Variants in HNRNPD observed in about 807,000 individuals in gnomAD.
HNRNPD encodes the protein heterogeneous nuclear ribonucleoprotein D, also known as heterogeneous nuclear ribonucleoprotein D0.
In HNRNPD, 3 loss-of-function variants were observed where a neutral mutation model predicts 47.9. The observed-to-expected ratio is 0.06, with a 90% CI of 0.03 to 0.16. The LOEUF is 0.16. Among genes scored for constraint, HNRNPD ranks in the 10% least tolerant of loss-of-function variants. The pLI is 1.00. For synonymous variants in HNRNPD, 171 were observed against 165.1 expected, an observed-to-expected ratio of 1.04 and a Z score of -0.28; for missense variants, 287 against 454.2, an observed-to-expected ratio of 0.63 and a Z score of 3.35.
intron 4 of HNRNPD, chr4:82,358,392 TTGTC>T (rs1723819568): frequency 6.2e-6 from 2 of 320,526 alleles, no homozygotes; most frequent in Non-Finnish European, 1.1e-5. Context: ...TTCCTCTTAA[TTGTC>T]TGTATTTAAG....
chr4:82,370,981 T>TATACACATATACACACAC (rs142474751), intron 2 of HNRNPD, among the ~76,000 whole-genome samples: 31 of 149,354 alleles, frequency 2.1e-4, no homozygotes, highest in Non-Finnish European at 3.7e-4. Context: ...GGTATATATA[T>TATACACATATACACACAC]ACACACACAC....
chr4:82,356,665 T>G lies in HNRNPD; in HGVS notation c.872A>C (p.Asn291Thr). The G allele has an allele frequency of 6.2e-7, 1 of 1,613,418 alleles. No individual in the cohort carries two copies. Among genetic ancestry groups the G allele is most frequent in the Non-Finnish European group, 8.5e-7 (1 of 1,179,998 alleles). Residue 291 changes from asparagine (N) to threonine (T), a missense_variant, in exon 7 of 9, where the codon AAC becomes ACC. Asn to Thr is a moderately conservative substitution (Grantham distance 65). Around this residue, in one of 5 missense-constraint regions of HNRNPD, gnomAD observed 65 missense variants for 107.1 expected, o/e 0.61. Transcript: ENST00000313899. ...ATTCCAATAGTTACTATATCCCTGG[T>G]TCCAGTTTTGACTGGGGCCTGCAGC... ...GRGGGPSQNWNQGYSNYWNQG... is the reference protein window; with the variant it reads ...GRGGGPSQNWTQGYSNYWNQG...
chr4:82,362,704 G>C (rs186983592), intron 2 of HNRNPD, among the ~76,000 whole-genome samples: 2 of 152,094 alleles, frequency 1.3e-5, no homozygotes, highest in South Asian at 4.1e-4. Context: ...CCAGGTTCAA[G>C]TGATTCTCAT....
chr4:82,365,886 A>G (rs558739379), intron 2 of HNRNPD, among the ~76,000 whole-genome samples: 2 of 149,652 alleles, frequency 1.3e-5, no homozygotes, highest in African/African-American at 5.0e-5. Flanking sequence ...GCTATATTAC[A>G]AGCGTGAGCC....
Position 82,373,598 on chromosome 4 carries a change from C to G in HNRNPD, c.81G>C (p.Glu27Asp). Residue 27 changes from glutamate (E) to aspartate (D), a missense_variant, in exon 1 of 9, where the codon GAG (glutamate) becomes GAC (aspartate). By Grantham distance (45) the Glu-to-Asp change is conservative (BLOSUM62 2). This residue lies in a region of HNRNPD where 161 missense variants were observed against 137.1 expected (regional missense o/e 1.17). Coordinates refer to ENST00000313899, the MANE Select transcript of HNRNPD (RefSeq NM_031370.3). ...AAVGGSAGEQ[E>D]GAMVAATQGA... ...CCTGTGTCGCCGCCACCATGGCTCC[C>G]TCCTGCTCGCCCGCCGAGCCGCCTA... is the stretch of plus-strand genomic sequence containing the variant. 1 of 1,532,138 alleles carries G rather than the reference C, an allele frequency of 6.5e-7. No homozygotes were observed. Among genetic ancestry groups the G allele is most frequent in the East Asian group, 2.5e-5 (1 of 39,874 alleles). The allele number at this position is 1,532,138 out of a possible 1,614,324, so 94.9% of individuals were successfully genotyped here.
At chr4:82,373,047 T>C (rs1720147941) in intron 1 of HNRNPD, 1 of 448,504 alleles carries the variant, frequency 2.2e-6, no homozygotes, top group African/African-American at 2.0e-5. Flanking sequence ...AAGCTGTTTG[T>C]GTCTGTGTTT....
At position 82,373,438 on chromosome 4, in the gene HNRNPD, T is replaced by C. The variant is rs950148988; in HGVS notation, c.233+8A>G. 8.9e-6 allele frequency: 14 copies of C among 1,572,946 alleles called. No individual in the cohort carries two copies. The highest frequency in any genetic ancestry group is 1.2e-5 in the Non-Finnish European group (14 of 1,157,944). ...GGGCCTGACTATCCTGGGATGCCCC[T>C]TACTCACCCTTCATCCTCCTCGTTC... On this transcript the variant is annotated splice_region_variant and intron_variant, in intron 1 of 8. Transcript: ENST00000313899.
rs1194328939 is a variant in HNRNPD, at chr4:82,359,621, G to A, written c.309C>T (p.Gly103=). ...CTTTCTTTGTAGTGTCCCAGCTAAG[G>A]CCTCCTATAAACATTTTCCTGTAAA... ...QREEWKMFIG[G]LSWDTTKKDL... is the part of the protein sequence containing the mutation. The change falls in exon 3 of 9, where the codon GGC becomes GGT. Residue 103 remains glycine (G), a synonymous_variant. Transcript: ENST00000313899. 2 of 1,559,522 alleles carry A rather than the reference G, an allele frequency of 1.3e-6. No homozygotes were observed. Among genetic ancestry groups the A allele is most frequent in the Non-Finnish European group, 1.8e-6 (2 of 1,142,102 alleles).
chr4:82,370,301 G>A (rs867453374), intron 2 of HNRNPD, among the ~76,000 whole-genome samples: 20 of 152,280 alleles, frequency 1.3e-4, no homozygotes, highest in Admixed American at 7.2e-4. Context: ...CAGGTCAAGT[G>A]TAATTACTTC....
chr4:82,373,389 TA>T (rs1482994583), intron 1 of HNRNPD, 56 bp downstream of exon 1: 1 of 1,454,322 alleles, frequency 6.9e-7, no homozygotes, highest in African/African-American at 1.6e-5. Flanking sequence ...GGCGGGGGAA[TA>T]AAGAGGGGGA....
At chr4:82,366,644 G>A (rs1719773667) in intron 2 of HNRNPD, among the ~76,000 whole-genome samples, 1 of 151,992 alleles carries the variant, frequency 6.6e-6, no homozygotes, top group South Asian at 2.1e-4. Context: ...TTGTCTCACT[G>A]CAACCTCCGC....
chr4:82,371,962 A>G (rs1213374503), intron 1 of HNRNPD, among the ~76,000 whole-genome samples: 1 of 152,140 alleles, frequency 6.6e-6, no homozygotes, highest in Non-Finnish European at 1.5e-5. Context: ...ACTATCATCA[A>G]ACAGCCTGAC....
intron 2 of HNRNPD, among the ~76,000 whole-genome samples, chr4:82,367,293 G>A (rs759378524): frequency 2.6e-5 from 4 of 151,998 alleles, no homozygotes; most frequent in Non-Finnish European, 4.4e-5. Context: ...TTACCTAGAG[G>A]TTAAGGAATA....
intron 8 of HNRNPD, chr4:82,354,803 GT>G (rs1723647626): frequency 6.5e-6 from 1 of 152,956 alleles, no homozygotes; most frequent in Non-Finnish European, 1.5e-5. Flanking sequence ...ATTACAAATA[GT>G]TTTTAAAAAG....
intron 1 of HNRNPD, among the ~76,000 whole-genome samples, chr4:82,372,686 A>G (rs769326600): frequency 6.6e-6 from 1 of 152,228 alleles, no homozygotes; most frequent in Non-Finnish European, 1.5e-5. Context: ...AGATAGGAAC[A>G]GCTCCAGTCA....
chr4:82,356,462 C>G (rs1322105919), intron 7 of HNRNPD, 75 bp downstream of exon 7: 2 of 1,255,912 alleles, frequency 1.6e-6, no homozygotes, highest in Non-Finnish European at 2.3e-6. Context: ...CAAGGCTACA[C>G]TAACCTTTCT....
intron 1 of HNRNPD, chr4:82,373,044 TTG>T (rs1560441437): frequency 9.0e-6 from 4 of 444,452 alleles, no homozygotes; most frequent in African/African-American, 2.0e-5. Context: ...GAGAAGCTGT[TTG>T]TGTCTGTGTT....
chr4:82,373,380 G>A (rs1171431502), intron 1 of HNRNPD, 66 bp downstream of exon 1: 36 of 1,519,330 alleles, frequency 2.4e-5, no homozygotes, highest in Non-Finnish European at 3.2e-5. Flanking sequence ...AGGCCTAATG[G>A]CGGGGGAATA....
chr4:82,361,730 A>AT (rs1719449403), intron 2 of HNRNPD, among the ~76,000 whole-genome samples: 1 of 152,242 alleles, frequency 6.6e-6, no homozygotes, highest in Admixed American at 6.5e-5. Flanking sequence ...GGTATGTGGT[A>AT]TTATTCTGAA....
Sources: allele counts gnomAD v4.1 joint callset (sites outside exome capture counted in the v4.1 genomes callset), GRCh38; gene constraint gnomAD v4.1.1; regional missense constraint gnomAD v4.1.1; transcripts MANE v1.5; gene names NCBI Gene and HGNC (gene_info 2026-07-23, HGNC 2026-07-21).